IFFO2: variants seen among roughly 807,000 people sequenced by gnomAD.
The protein encoded by IFFO2 is intermediate filament family orphan 2.
IFFO2 carries 19 observed loss-of-function variants against 53.5 expected under a neutral mutation model. That is an observed-to-expected ratio of 0.36 (90% confidence interval 0.25 to 0.52). IFFO2 has a LOEUF of 0.52. IFFO2 is among the 20% of genes least tolerant of loss of function. The pLI is 0.94. For missense variants in IFFO2, 570 were observed against 727.4 expected, an observed-to-expected ratio of 0.78 and a Z score of 2.49; for synonymous variants, 303 against 313.6, an observed-to-expected ratio of 0.97 and a Z score of 0.36.
At chr1:18,948,811 T>C (rs1165471797) in intron 1 of IFFO2, among the ~76,000 whole-genome samples, 1 of 152,228 alleles carries the variant, frequency 6.6e-6, no homozygotes, top group Non-Finnish European at 1.5e-5. Flanking sequence ...CCAGCACAGA[T>C]CTGCCTCTGT....
intron 1 of IFFO2, 77 bp from the exon 2 acceptor site, chr1:18,921,198 A>C: frequency 8.1e-7 from 1 of 1,237,552 alleles, no homozygotes; most frequent in Non-Finnish European, 1.2e-6. Flanking sequence ...CAACCCCAAC[A>C]CCCACCCAGG....
Position 18,904,942 on chromosome 1 carries a change from G to A in IFFO2, c.*3619C>T, listed in dbSNP as rs139702339. On this transcript the variant is annotated 3_prime_UTR_variant, in exon 9 of 9. Coordinates refer to ENST00000455833, the MANE Select transcript of IFFO2 (RefSeq NM_001136265.2). The stretch of plus-strand genomic sequence containing the variant: ...CCAGCTGCCTGACCACCTGGGACCC[G>A]CAAAGGCCCAGGCTCCAAGGAAGTC... 537 of 152,294 alleles carry A rather than the reference G, an allele frequency of 3.5e-3. 5 individuals are homozygous for A. The highest frequency in any genetic ancestry group is 0.012 in the African/African-American group (517 of 41,534). The allele number at this position is 152,294 out of a possible 1,614,324, so 9.4% of individuals were successfully genotyped here. A position where few individuals can be genotyped will look rare whatever the true frequency, so the allele number is the denominator to read the frequency against.
chr1:18,950,836 G>A (rs757722936), intron 1 of IFFO2, among the ~76,000 whole-genome samples: 5 of 152,168 alleles, frequency 3.3e-5, no homozygotes, highest in African/African-American at 9.7e-5. Context: ...CATTCCAGCC[G>A]ACAGCCCAGC....
At chr1:18,920,171 C>A (rs1348700231) in intron 2 of IFFO2, among the ~76,000 whole-genome samples, 1 of 152,120 alleles carries the variant, frequency 6.6e-6, no homozygotes. Context: ...TCCACACAGA[C>A]AAGATCGGAA....
intron 1 of IFFO2, among the ~76,000 whole-genome samples, chr1:18,925,900 G>T (rs1336095160): frequency 1.9e-4 from 5 of 26,508 alleles, no homozygotes; most frequent in Non-Finnish European, 2.6e-4. Context: ...TGGATTGGAT[G>T]GATTGGTTGG....
At chr1:18,942,982 G>A (rs187542094) in intron 1 of IFFO2, among the ~76,000 whole-genome samples, 90 of 152,084 alleles carry the variant, frequency 5.9e-4, no homozygotes, top group African/African-American at 2.0e-3. Flanking sequence ...GGGATTACAG[G>A]CTCGTGCCAC....
At chr1:18,910,192 TGGATGG>T in intron 8 of IFFO2, 144 bp downstream of exon 8, 2 of 832,838 alleles carry the variant, frequency 2.4e-6, no homozygotes, top group Non-Finnish European at 1.8e-6. Flanking sequence ...AGTCACTGGA[TGGATGG>T]ATGGATGGAT....
At chr1:18,946,373 C>A (rs1365541114) in intron 1 of IFFO2, among the ~76,000 whole-genome samples, 1 of 150,640 alleles carries the variant, frequency 6.6e-6, no homozygotes, top group African/African-American at 2.4e-5. Flanking sequence ...GAACTGGAAC[C>A]TGACTTCCTG....
At chr1:18,924,187 C>G (rs1233382185) in intron 1 of IFFO2, among the ~76,000 whole-genome samples, 1 of 152,238 alleles carries the variant, frequency 6.6e-6, no homozygotes, top group Non-Finnish European at 1.5e-5. Flanking sequence ...AAGCTCTGTC[C>G]TTGGATCGTT....
At chr1:18,913,517 G>T (rs2100643748) in intron 5 of IFFO2, among the ~76,000 whole-genome samples, 1 of 152,386 alleles carries the variant, frequency 6.6e-6, no homozygotes, top group Middle Eastern at 3.4e-3. Context: ...GAGTGGGGCT[G>T]AGGAGGAGCC....
intron 1 of IFFO2, among the ~76,000 whole-genome samples, chr1:18,922,457 A>ACGTCAC (rs780536915): frequency 6.6e-6 from 1 of 152,150 alleles, no homozygotes; most frequent in Non-Finnish European, 1.5e-5. Context: ...AGAGCCGGTT[A>ACGTCAC]CGTCACCGGC....
intron 1 of IFFO2, among the ~76,000 whole-genome samples, chr1:18,941,892 T>C (rs1186170439): frequency 6.6e-6 from 1 of 152,070 alleles, no homozygotes; most frequent in Non-Finnish European, 1.5e-5. Context: ...CAGGCCCTCC[T>C]AGGAGCCACA....
At position 18,928,431 on chromosome 1, in the gene IFFO2, C is replaced by T. The variant is rs77418335; in HGVS notation, c.666-7310G>A. On this transcript the variant is annotated intron_variant, in intron 1 of 8. Transcript: ENST00000455833. This position sits in a 1 kb window ranked among gnomAD's most constrained non-coding sequence, Gnocchi z 4.9. Reference sequence around the variant, plus strand: ...CCAGGGCAGCCGATTCCATTACAGGCGGGCAGTAATGGCCTGAGCAGGACG... The same window carrying T: ...CCAGGGCAGCCGATTCCATTACAGGTGGGCAGTAATGGCCTGAGCAGGACG... Among the ~76,000 whole-genome samples, 300 of 152,346 alleles carry T rather than the reference C, an allele frequency of 2.0e-3. 1 individual carries two copies. The highest frequency in any genetic ancestry group is 7.0e-3 in the African/African-American group (292 of 41,580).
intron 1 of IFFO2, among the ~76,000 whole-genome samples, chr1:18,941,845 A>G (rs1936526027): frequency 1.3e-5 from 2 of 152,172 alleles, no homozygotes; most frequent in Non-Finnish European, 2.9e-5. Context: ...GGAGGCGGGG[A>G]CAGGGAAAGA....
chr1:18,943,890 G>C (rs983284833), intron 1 of IFFO2, among the ~76,000 whole-genome samples: 2 of 152,342 alleles, frequency 1.3e-5, no homozygotes, highest in Admixed American at 6.5e-5. Flanking sequence ...TGTCTCTGCG[G>C]ACCCCACTGT....
intron 1 of IFFO2, among the ~76,000 whole-genome samples, chr1:18,939,934 C>T (rs1315048490): frequency 6.6e-6 from 1 of 152,168 alleles, no homozygotes; most frequent in Non-Finnish European, 1.5e-5. Flanking sequence ...GGTCCTAGCC[C>T]CAAGATGAGG....
Position 18,919,326 on chromosome 1 carries a change from G to T in IFFO2, c.822+352C>A, listed in dbSNP as rs1352666436. On this transcript the variant is annotated intron_variant, in intron 3 of 8. Coordinates refer to ENST00000455833, the MANE Select transcript of IFFO2 (RefSeq NM_001136265.2). The surrounding 1 kb of genome is among the most constrained non-coding windows in gnomAD (Gnocchi z 4.9). ...GACCAGACGGCACCTGGCCCAACCT[G>T]CCAGACGCCCTGCTACGCCCAGACA... Among the ~76,000 whole-genome samples the T allele has an allele frequency of 6.6e-6, 1 of 152,212 alleles. No homozygotes were observed. The highest frequency in any genetic ancestry group is 1.5e-5 in the Non-Finnish European group (1 of 68,040).
chr1:18,933,905 C>A (rs1349740413), intron 1 of IFFO2, among the ~76,000 whole-genome samples: 1 of 152,028 alleles, frequency 6.6e-6, no homozygotes, highest in Non-Finnish European at 1.5e-5. Flanking sequence ...GCAACTGTGC[C>A]TGTTAAGCAG....
At chr1:18,948,159 T>A (rs993558353) in intron 1 of IFFO2, among the ~76,000 whole-genome samples, 1 of 152,220 alleles carries the variant, frequency 6.6e-6, no homozygotes, top group East Asian at 1.9e-4. Context: ...AACGGAAGCA[T>A]TAAGCCATAT....
Sources: allele counts gnomAD v4.1 joint callset (sites outside exome capture counted in the v4.1 genomes callset), GRCh38; gene constraint gnomAD v4.1.1; non-coding constraint Gnocchi (gnomAD v3.1); transcripts MANE v1.5; gene names NCBI Gene and HGNC (gene_info 2026-07-23, HGNC 2026-07-21).